The following CNTNAP2 variants were observed in gnomAD, a reference collection of about 807,000 sequenced individuals.
CNTNAP2 encodes the protein contactin-associated protein-like 2.
In CNTNAP2, 98 loss-of-function variants were observed where a neutral mutation model predicts 155.2. That is an observed-to-expected ratio of 0.63 (90% CI 0.54 to 0.75). The LOEUF is 0.75. Ranked by LOEUF, CNTNAP2 falls within the 30% of genes least tolerant of loss-of-function variation. The pLI is 0.00. For synonymous variants in CNTNAP2, 651 were observed against 631.2 expected, an observed-to-expected ratio of 1.03 and a Z score of -0.47; for missense variants, 1,727 against 1,688.1, an observed-to-expected ratio of 1.02 and a Z score of -0.40.
intron 15 of CNTNAP2, among the ~76,000 whole-genome samples, chr7:148,065,980 G>A (rs1585107029): frequency 6.6e-6 from 1 of 152,162 alleles, no homozygotes; most frequent in Non-Finnish European, 1.5e-5. Context: ...TGCTGGCTTT[G>A]TAGTGGTGAA....
At chr7:147,292,531 C>T (rs1438256667) in intron 8 of CNTNAP2, among the ~76,000 whole-genome samples, 5 of 152,068 alleles carry the variant, frequency 3.3e-5, no homozygotes, top group East Asian at 1.9e-4. Flanking sequence ...TGTTGGGTTT[C>T]GGTTAGAATC....
intron 15 of CNTNAP2, among the ~76,000 whole-genome samples, chr7:148,005,172 A>T (rs542031819): frequency 1.1e-4 from 17 of 152,176 alleles, no homozygotes; most frequent in Non-Finnish European, 2.5e-4. Flanking sequence ...CAACAAGGTC[A>T]GGCTCTGGTG....
intron 21 of CNTNAP2, among the ~76,000 whole-genome samples, chr7:148,277,541 T>C (rs1298449762): frequency 1.3e-5 from 2 of 151,982 alleles, no homozygotes; most frequent in Non-Finnish European, 2.9e-5. Context: ...GGCTTACTCT[T>C]CTTCCCTCTC....
chr7:146,737,830 T>C (rs900978347), intron 1 of CNTNAP2, among the ~76,000 whole-genome samples: 3 of 152,100 alleles, frequency 2.0e-5, no homozygotes, highest in African/African-American at 7.2e-5. Flanking sequence ...CGTTCTTTTT[T>C]AATGGGTGAA....
chr7:148,343,720 A>G (rs1798273980), intron 21 of CNTNAP2, among the ~76,000 whole-genome samples: 1 of 152,234 alleles, frequency 6.6e-6, no homozygotes, highest in African/African-American at 2.4e-5. Flanking sequence ...AAAAGCGTAG[A>G]CTGGCAAAAG....
intron 3 of CNTNAP2, among the ~76,000 whole-genome samples, chr7:146,844,214 G>A (rs1028003681): frequency 3.3e-5 from 5 of 152,082 alleles, no homozygotes; most frequent in Non-Finnish European, 4.4e-5. Flanking sequence ...GCATTAGGGA[G>A]TGAGAATGGC....
At chr7:147,578,140 C>G (rs1302360688) in intron 12 of CNTNAP2, among the ~76,000 whole-genome samples, 1 of 152,044 alleles carries the variant, frequency 6.6e-6, no homozygotes. Context: ...CATTGCCTAT[C>G]TGCATGGTGA....
intron 18 of CNTNAP2, among the ~76,000 whole-genome samples, chr7:148,210,077 A>C (rs1431830712): frequency 6.6e-6 from 1 of 152,240 alleles, no homozygotes; most frequent in Non-Finnish European, 1.5e-5. Flanking sequence ...TATTTGAAAG[A>C]ATGGATTAAA....
chr7:148,014,059 A>G (rs1802131287), intron 15 of CNTNAP2: 1 of 152,018 alleles, frequency 6.6e-6, no homozygotes, highest in Non-Finnish European at 1.5e-5. Flanking sequence ...AAATCATTTC[A>G]TTTTCTTTCA....
chr7:146,295,700 A>G (rs1800503404), intron 1 of CNTNAP2, among the ~76,000 whole-genome samples: 1 of 152,106 alleles, frequency 6.6e-6, no homozygotes, highest in African/African-American at 2.4e-5. Flanking sequence ...TGAATCTTGT[A>G]GATCTAGCTC....
At chr7:147,116,608 T>G (rs1302708587) in intron 5 of CNTNAP2, among the ~76,000 whole-genome samples, 1 of 152,094 alleles carries the variant, frequency 6.6e-6, no homozygotes, top group East Asian at 1.9e-4. Context: ...AGCTATGTTG[T>G]GGTGAGGAAC....
intron 13 of CNTNAP2, among the ~76,000 whole-genome samples, chr7:147,880,690 T>A (rs1453247187): frequency 1.3e-5 from 2 of 151,576 alleles, no homozygotes; most frequent in Non-Finnish European, 2.9e-5. Flanking sequence ...ATAGGTTAAG[T>A]GTAAAGACTG....
At chr7:147,458,935 GAGAA>G (rs1212181026) in intron 10 of CNTNAP2, among the ~76,000 whole-genome samples, 2 of 151,534 alleles carry the variant, frequency 1.3e-5, no homozygotes, top group Middle Eastern at 3.4e-3. Flanking sequence ...GAAATCAAGA[GAGAA>G]AGAAATTCCA....
At chr7:147,686,848 G>T (rs1264153525) in intron 13 of CNTNAP2, among the ~76,000 whole-genome samples, 1 of 149,902 alleles carries the variant, frequency 6.7e-6, no homozygotes, top group African/African-American at 2.5e-5. Flanking sequence ...AGATAGAGAG[G>T]GATAGTGTAA....
At chr7:148,266,401 G>A (rs1796669010) in intron 20 of CNTNAP2, among the ~76,000 whole-genome samples, 1 of 152,084 alleles carries the variant, frequency 6.6e-6, no homozygotes, top group Non-Finnish European at 1.5e-5. Context: ...CACCACCATT[G>A]GCACTTTGTC....
rs1014843141 is a variant in CNTNAP2 at position 147,535,370 on chromosome 7, C to T, written c.1778-26768C>T. Among the ~76,000 whole-genome samples, 4 of 151,518 alleles carry T rather than the reference C, an allele frequency of 2.6e-5. No individual in the cohort carries two copies. In the South Asian group the frequency reaches 6.3e-4, roughly 24 times the overall value. ...TCGCGCCACTGCACTGCAGCCTGAG[C>T]GAAAGAGTGAGACTCTGTCTCAGAA... On this transcript the variant is annotated intron_variant, in intron 11 of 23. Coordinates refer to ENST00000361727, the MANE Select transcript of CNTNAP2 (RefSeq NM_014141.6).
intron 8 of CNTNAP2, among the ~76,000 whole-genome samples, chr7:147,196,335 T>C (rs576139175): frequency 2.6e-5 from 4 of 152,328 alleles, no homozygotes; most frequent in Non-Finnish European, 5.9e-5. Context: ...GACAGATTCT[T>C]CTGTAGATAA....
At chr7:147,241,008 G>A (rs947946924) in intron 8 of CNTNAP2, among the ~76,000 whole-genome samples, 2 of 152,134 alleles carry the variant, frequency 1.3e-5, no homozygotes, top group African/African-American at 4.8e-5. Context: ...TTATTTGTAT[G>A]GTTGAATAAA....
Position 146,308,718 on chromosome 7 carries a change from A to G in CNTNAP2, c.97+191745A>G, listed in dbSNP as rs1048357511. ...TGGAAACCAGCATTCTGAGCAAACT[A>G]TTGCAAGGACAGAAAACCAAACACC... On this transcript the variant is annotated intron_variant, in intron 1 of 23. Coordinates refer to ENST00000361727, the MANE Select transcript of CNTNAP2 (RefSeq NM_014141.6). Among the ~76,000 whole-genome samples the G allele has an allele frequency of 3.3e-5, 5 of 152,266 alleles. No individual in the cohort carries two copies. The East Asian group carries it at 5.8e-4, about 18-fold the overall frequency.
Sources: allele counts gnomAD v4.1 joint callset (sites outside exome capture counted in the v4.1 genomes callset), GRCh38; gene constraint gnomAD v4.1.1; transcripts MANE v1.5; gene names NCBI Gene and HGNC (gene_info 2026-07-23, HGNC 2026-07-21).